SRD5A1: variants seen among roughly 807,000 people sequenced by gnomAD.
SRD5A1 encodes the protein steroid 5 alpha-reductase 1.
SRD5A1 carries 22 observed loss-of-function variants against 28.2 expected under a neutral mutation model. The ratio of observed to expected loss-of-function variants is 0.78; its 90% CI spans 0.56 to 1.12. SRD5A1 has a LOEUF of 1.12. Among genes scored for constraint, SRD5A1 ranks in the 50% most tolerant of loss-of-function variants. SRD5A1 has a pLI of 0.00. For synonymous variants in SRD5A1, 151 were observed against 135.0 expected, an observed-to-expected ratio of 1.12 and a Z score of -0.82; for missense variants, 300 against 346.7, an observed-to-expected ratio of 0.87 and a Z score of 1.07.
rs1049346937 is a variant in SRD5A1 at position 6,671,723 on chromosome 5, A to G, written c.*3455A>G. 2.0e-5 allele frequency: 3 copies of G among 152,268 alleles called. No homozygotes were observed. The highest frequency in any genetic ancestry group is 2.0e-4 in the Admixed American group (3 of 15,276). 9.4% of individuals were successfully genotyped at this position (152,268 alleles called of 1,614,324 possible). On this transcript the variant is annotated 3_prime_UTR_variant, in exon 5 of 5. Coordinates refer to ENST00000274192, the MANE Select transcript of SRD5A1 (RefSeq NM_001047.4). The stretch of plus-strand genomic sequence containing the variant: ...AGGAATAAAAGACAACATATATGGT[A>G]TAGTATATACTACTCAGGAGATGGG...
At chr5:6,666,239 C>A (rs1252205128) in intron 4 of SRD5A1, among the ~76,000 whole-genome samples, 2 of 152,084 alleles carry the variant, frequency 1.3e-5, no homozygotes, top group Non-Finnish European at 2.9e-5. Flanking sequence ...GCTCTGCCTC[C>A]CAGGTTCACG....
intron 4 of SRD5A1, among the ~76,000 whole-genome samples, chr5:6,665,153 G>A (rs1739125208): frequency 6.6e-6 from 1 of 152,244 alleles, no homozygotes; most frequent in African/African-American, 2.4e-5. Context: ...TGCGAAGATG[G>A]ACACAGAGGC....
At chr5:6,649,015 C>T (rs1056058774) in intron 1 of SRD5A1, among the ~76,000 whole-genome samples, 3 of 152,152 alleles carry the variant, frequency 2.0e-5, no homozygotes, top group East Asian at 1.9e-4. Context: ...GCTGGAGGTC[C>T]GCTCCAGACC....
chr5:6,652,947 C>T (rs535843287), intron 2 of SRD5A1, among the ~76,000 whole-genome samples: 62 of 151,658 alleles, frequency 4.1e-4, no homozygotes, highest in African/African-American at 1.4e-3. Context: ...TTAGTCTATC[C>T]TAGCATTTAG....
chr5:6,654,867 A>T (rs2126542040), intron 2 of SRD5A1, among the ~76,000 whole-genome samples: 1 of 152,380 alleles, frequency 6.6e-6, no homozygotes, highest in South Asian at 2.1e-4. Flanking sequence ...TTTAGACAAC[A>T]TGATTCCTTT....
intron 3 of SRD5A1, among the ~76,000 whole-genome samples, chr5:6,661,175 C>T (rs1171187631): frequency 6.6e-6 from 1 of 151,874 alleles, no homozygotes; most frequent in Non-Finnish European, 1.5e-5. Flanking sequence ...CATACCCCAC[C>T]TTCCTTAAGA....
At chr5:6,644,719 A>G (rs1228696942) in intron 1 of SRD5A1, 3 of 369,640 alleles carry the variant, frequency 8.1e-6, no homozygotes, top group Admixed American at 3.4e-5. Context: ...ATCACAAGAC[A>G]AGATTGCCTC....
At chr5:6,665,377 A>G (rs1487410211) in intron 4 of SRD5A1, among the ~76,000 whole-genome samples, 1 of 152,264 alleles carries the variant, frequency 6.6e-6, no homozygotes, top group Non-Finnish European at 1.5e-5. Context: ...CAGGGAACTG[A>G]TACGCCAGCC....
At chr5:6,638,973 C>G (rs931330957) in intron 1 of SRD5A1, among the ~76,000 whole-genome samples, 11 of 152,196 alleles carry the variant, frequency 7.2e-5, no homozygotes, top group Admixed American at 1.3e-4. Context: ...TCCACCATGA[C>G]CTAAATTACT....
intron 1 of SRD5A1, among the ~76,000 whole-genome samples, chr5:6,649,920 T>G (rs916345119): frequency 2.6e-5 from 4 of 152,176 alleles, no homozygotes; most frequent in African/African-American, 9.7e-5. Flanking sequence ...TATTAATATA[T>G]AGAGAGCAGT....
chr5:6,645,164 G>A (rs1183459130), intron 1 of SRD5A1: 1 of 368,450 alleles, frequency 2.7e-6, no homozygotes, highest in Non-Finnish European at 5.4e-6. Context: ...GTGGCTTGAG[G>A]ATGCACAGCC....
chr5:6,666,294 C>T (rs541365943), intron 4 of SRD5A1, among the ~76,000 whole-genome samples: 11 of 152,172 alleles, frequency 7.2e-5, no homozygotes, highest in African/African-American at 2.6e-4. Context: ...ACTACAGGTG[C>T]CCGCCACCAT....
Position 6,654,434 on chromosome 5 carries a change from T to G in SRD5A1, c.461-1644T>G, listed in dbSNP as rs182973105. The stretch of plus-strand genomic sequence containing the variant: ...TTTATAGAAAGATTTTAAGTTTTTT[T>G]TTTGTTTGTTTGTTTGTTTTTTCTT... On this transcript the variant is annotated intron_variant, in intron 2 of 4. Transcript: ENST00000274192. Among the ~76,000 whole-genome samples the G allele has an allele frequency of 2.4e-3, 356 of 151,454 alleles. 1 individual carries two copies. The highest frequency in any genetic ancestry group is 6.9e-3 in the African/African-American group (285 of 41,182).
rs1739335014 is a variant in SRD5A1 at position 6,670,672 on chromosome 5, A to G, written c.*2404A>G. 6.6e-6 allele frequency: 1 copy of G among 152,254 alleles called. No homozygotes were observed. Among genetic ancestry groups the G allele is most frequent in the Non-Finnish European group, 1.5e-5 (1 of 68,046 alleles). 9.4% of individuals were successfully genotyped at this position (152,254 alleles called of 1,614,324 possible). A position where few individuals can be genotyped will look rare whatever the true frequency, so the allele number is the denominator to read the frequency against. On this transcript the variant is annotated 3_prime_UTR_variant, in exon 5 of 5. Transcript: ENST00000274192. Reference sequence around the variant, plus strand: ...AGTGACAGGTAAGAAACAAGTAAGTAGCTAAAATAATGTTAGGTAGAAAAA... The same window carrying G: ...AGTGACAGGTAAGAAACAAGTAAGTGGCTAAAATAATGTTAGGTAGAAAAA...
In SRD5A1 at chr5:6,645,626, C is replaced by T. The variant is rs867838987; in HGVS notation, c.294-6216C>T. 4.3e-5 allele frequency among the ~76,000 whole-genome samples: 6 copies of T among 139,236 alleles called. No individual in the cohort carries two copies. The Middle Eastern group carries it at 0.011, about 250-fold the overall frequency. 91.3% of individuals were successfully genotyped at this position (139,236 alleles called of 152,430 possible). ...TGCACTCCAGCCTGGACCACAAGAG[C>T]GAAACTCCATCTCAAAAAAAAAAAA... On this transcript the variant is annotated intron_variant, in intron 1 of 4. Coordinates refer to ENST00000274192, the MANE Select transcript of SRD5A1 (RefSeq NM_001047.4).
intron 1 of SRD5A1, among the ~76,000 whole-genome samples, chr5:6,648,195 C>G (rs1342274405): frequency 6.6e-6 from 1 of 152,202 alleles, no homozygotes; most frequent in Admixed American, 6.5e-5. Flanking sequence ...CCCTTTCTCT[C>G]TGGCTGCCCT....
intron 1 of SRD5A1, among the ~76,000 whole-genome samples, chr5:6,634,821 T>C (rs894808863): frequency 2.0e-5 from 3 of 152,254 alleles, no homozygotes; most frequent in African/African-American, 7.2e-5. Context: ...CTCCAGGTCG[T>C]ATCTTTTGGC....
intron 3 of SRD5A1, among the ~76,000 whole-genome samples, chr5:6,661,851 A>T (rs1407543805): frequency 6.6e-6 from 1 of 152,070 alleles, no homozygotes; most frequent in East Asian, 1.9e-4. Flanking sequence ...TTTTAAAAAA[A>T]GCTCTGTCCT....
At position 6,660,308 on chromosome 5, in the gene SRD5A1, G is replaced by A. The variant is rs192813693; in HGVS notation, c.563-2508G>A. 6.2e-3 allele frequency among the ~76,000 whole-genome samples: 948 copies of A among 152,314 alleles called. 4 individuals are homozygous for A. Among genetic ancestry groups the A allele is most frequent in the Non-Finnish European group, 9.2e-3 (624 of 68,018 alleles). ...TCCACCCATACGGTTCCACCACACC[G>A]TGTGTCCCACACCAGACACTTAAGA... is the stretch of plus-strand genomic sequence containing the variant. On this transcript the variant is annotated intron_variant, in intron 3 of 4. Coordinates refer to ENST00000274192, the MANE Select transcript of SRD5A1 (RefSeq NM_001047.4).
Sources: allele counts gnomAD v4.1 joint callset (sites outside exome capture counted in the v4.1 genomes callset), GRCh38; gene constraint gnomAD v4.1.1; transcripts MANE v1.5; gene names NCBI Gene and HGNC (gene_info 2026-07-23, HGNC 2026-07-21).